Variants in CYTH3 observed in about 807,000 individuals in gnomAD.
CYTH3 encodes cytohesin-3.
CYTH3 carries 23 observed loss-of-function variants against 55.1 expected under a neutral mutation model. The observed-to-expected ratio is 0.42, with a 90% confidence interval of 0.30 to 0.59. The LOEUF (loss-of-function observed/expected upper bound fraction) is 0.59. Among genes scored for constraint, CYTH3 ranks in the 20% least tolerant of loss-of-function variants. The pLI is 0.20. For synonymous variants in CYTH3, 249 were observed against 194.9 expected (o/e 1.28, Z -2.31); for missense variants, 413 against 524.8 (o/e 0.79, Z 2.08).
chr7:6,271,441 G>C (rs547861973), intron 1 of CYTH3, among the ~76,000 whole-genome samples: 2 of 151,764 alleles, frequency 1.3e-5, no homozygotes, highest in East Asian at 3.9e-4. Context: ...ATGGGGTTCT[G>C]ATGATTCTGA....
intron 2 of CYTH3, among the ~76,000 whole-genome samples, chr7:6,187,922 T>A (rs1242537353): frequency 6.6e-6 from 1 of 152,214 alleles, no homozygotes; most frequent in Non-Finnish European, 1.5e-5. Context: ...CAAAATTCTT[T>A]GCTCACTTTT....
chr7:6,169,696 G>C lies in CYTH3; in HGVS notation c.823+839C>G, dbSNP rs544924699. ...CCCCTCAGCATTTCTAAAACTGCCCGTAATTGCCCTAAATTGCTCCAAAGG... is the reference window on the plus strand; with the variant it reads ...CCCCTCAGCATTTCTAAAACTGCCCCTAATTGCCCTAAATTGCTCCAAAGG... On this transcript the variant is annotated intron_variant, in intron 9 of 12. Coordinates refer to ENST00000350796, the MANE Select transcript of CYTH3 (RefSeq NM_004227.4). This position sits in a 1 kb window ranked among gnomAD's most constrained non-coding sequence, Gnocchi z 4.1. Among the ~76,000 whole-genome samples the C allele has an allele frequency of 2.6e-5, 4 of 152,086 alleles. No individual in the cohort carries two copies. Among genetic ancestry groups the C allele is most frequent in the Non-Finnish European group, 4.4e-5 (3 of 68,012 alleles).
At chr7:6,179,748 C>CCCACACCCCCA (rs560999989) in intron 4 of CYTH3, among the ~76,000 whole-genome samples, 25,379 of 89,886 alleles carry the variant, frequency 0.28, 5,341 homozygotes, top group East Asian at 0.67. Context: ...CCACACACAC[C>CCCACACCCCCA]CCACACCCCC....
In CYTH3 at chr7:6,165,324, C is replaced by A. The variant is rs371624575; in HGVS notation, c.1076G>T (p.Arg359Leu). The A allele has an allele frequency of 1.9e-6, 3 of 1,614,102 alleles. No individual in the cohort carries two copies. Among genetic ancestry groups the A allele is most frequent in the Non-Finnish European group, 1.7e-6 (2 of 1,180,008 alleles). ...RVVEGNHVVYRISAPSPEEKE... is the reference protein window; with the variant it reads ...RVVEGNHVVYLISAPSPEEKE... ...CTCCTCCGGGCTCGGGGCTGAGATC[C>A]GGTACACCACATGGTTCCCCTCTAC... Residue 359 changes from arginine (R) to leucine (L), a missense_variant, in exon 12 of 13, where the codon CGG becomes CTG. This residue lies in a region of CYTH3 where 98 missense variants were observed against 115.2 expected (regional missense o/e 0.85). Coordinates refer to ENST00000350796, the MANE Select transcript of CYTH3 (RefSeq NM_004227.4).
At chr7:6,172,560 C>T (rs1269837132) in intron 6 of CYTH3, among the ~76,000 whole-genome samples, 2 of 152,246 alleles carry the variant, frequency 1.3e-5, no homozygotes, top group African/African-American at 4.8e-5. Flanking sequence ...CAGGACCTGC[C>T]TGTATTCCCG....
chr7:6,236,557 T>A (rs1273564209), intron 1 of CYTH3, among the ~76,000 whole-genome samples: 1 of 150,416 alleles, frequency 6.6e-6, no homozygotes, highest in Non-Finnish European at 1.5e-5. Context: ...CTCTTTTTTA[T>A]TGTTGTTGTT....
At chr7:6,165,132 C>T (rs1782951070) in intron 12 of CYTH3, 116 bp from the exon 13 acceptor site, 1 of 1,564,500 alleles carries the variant, frequency 6.4e-7, no homozygotes, top group Non-Finnish European at 8.7e-7. Flanking sequence ...TGAACGTCGG[C>T]TTTGGCAGCC....
intron 1 of CYTH3, among the ~76,000 whole-genome samples, chr7:6,248,236 C>T (rs952358884): frequency 3.4e-5 from 5 of 148,660 alleles, no homozygotes; most frequent in African/African-American, 5.0e-5. Flanking sequence ...CTCCCCCAAC[C>T]CCCCCCCAGC....
intron 4 of CYTH3, among the ~76,000 whole-genome samples, chr7:6,182,688 C>G (rs969766416): frequency 1.3e-5 from 2 of 151,898 alleles, no homozygotes; most frequent in Non-Finnish European, 2.9e-5. Context: ...TTTAAAAAAA[C>G]TGTTTATAGA....
chr7:6,174,768 A>C (rs994829947), intron 5 of CYTH3, among the ~76,000 whole-genome samples: 4 of 151,744 alleles, frequency 2.6e-5, no homozygotes, highest in African/African-American at 7.3e-5. Flanking sequence ...AGGATGGTCT[A>C]GATCTCCTAA....
intron 9 of CYTH3, among the ~76,000 whole-genome samples, chr7:6,166,542 G>A (rs1022527407): frequency 1.3e-5 from 2 of 152,354 alleles, no homozygotes; most frequent in South Asian, 2.1e-4. Flanking sequence ...CGGCAGGGGA[G>A]TAGCCCTCCC....
rs745464972 is a variant in CYTH3 at position 6,172,735 on chromosome 7, C to A, written c.449+918G>T. 1.6e-5 allele frequency: 19 copies of A among 1,225,310 alleles called. 1 individual carries two copies. The South Asian group carries it at 2.4e-4, about 15-fold the overall frequency. The allele number at this position is 1,225,310 out of a possible 1,614,324, so 75.9% of individuals were successfully genotyped here. Reference sequence around the variant, plus strand: ...AGACACCCCTCCCAGACTCACCAGGCCTGCACCCTTCTCTGGATGTACAGC... The same window carrying A: ...AGACACCCCTCCCAGACTCACCAGGACTGCACCCTTCTCTGGATGTACAGC... On this transcript the variant is annotated intron_variant, in intron 6 of 12. Transcript: ENST00000350796.
At chr7:6,263,754 C>A (rs112752366) in intron 1 of CYTH3, among the ~76,000 whole-genome samples, 3,231 of 150,938 alleles carry the variant, frequency 0.021, 113 homozygotes, top group African/African-American at 0.075. Flanking sequence ...GCCAAGATCA[C>A]ACCACTGCAC....
In CYTH3 at chr7:6,165,625, G is replaced by A. The variant is rs900782113; in HGVS notation, c.901-9C>T. ...CCCCTGGGCTCCTTATCCTACAAGA[G>A]GAAAGTACACGGCGGGGCTCACTGT... On this transcript the variant is annotated splice_polypyrimidine_tract_variant and intron_variant, in intron 10 of 12. Coordinates refer to ENST00000350796, the MANE Select transcript of CYTH3 (RefSeq NM_004227.4). 3.7e-6 allele frequency: 6 copies of A among 1,613,798 alleles called. No homozygotes were observed. Among genetic ancestry groups the A allele is most frequent in the Non-Finnish European group, 5.1e-6 (6 of 1,179,874 alleles).
intron 1 of CYTH3, among the ~76,000 whole-genome samples, chr7:6,244,988 T>TGTA (rs1779770174): frequency 2.3e-5 from 3 of 128,098 alleles, no homozygotes; most frequent in Admixed American, 1.6e-4. Context: ...TTTTTTTTTT[T>TGTA]TTTTTGTATT....
chr7:6,245,873 C>T (rs1779800999), intron 1 of CYTH3, among the ~76,000 whole-genome samples: 1 of 152,220 alleles, frequency 6.6e-6, no homozygotes, highest in Non-Finnish European at 1.5e-5. Context: ...CACTGCGCTA[C>T]AGCCTGGGCA....
chr7:6,272,445 G>A (rs1780691285), intron 1 of CYTH3, 29 bp downstream of exon 1: 3 of 1,285,514 alleles, frequency 2.3e-6, no homozygotes, highest in East Asian at 3.7e-5. Flanking sequence ...CCAGGCCGCC[G>A]GCGAGCCCAC....
intron 1 of CYTH3, among the ~76,000 whole-genome samples, chr7:6,255,449 G>A (rs1345239938): frequency 6.6e-6 from 1 of 152,102 alleles, no homozygotes; most frequent in Non-Finnish European, 1.5e-5. Flanking sequence ...GGGAAAAGAG[G>A]GCCTCTCCAA....
At chr7:6,227,719 G>A (rs1453119863) in intron 1 of CYTH3, among the ~76,000 whole-genome samples, 2 of 152,226 alleles carry the variant, frequency 1.3e-5, no homozygotes, top group South Asian at 2.1e-4. Flanking sequence ...TACGAAGTTT[G>A]TATTCCTCCA....
Sources: gnomAD v4.1 joint callset for allele counts (sites outside exome capture counted in the v4.1 genomes callset) on GRCh38, gnomAD v4.1.1 for gene constraint, gnomAD v4.1.1 regional missense constraint, Gnocchi (gnomAD v3.1) non-coding constraint, MANE v1.5 for transcripts, NCBI Gene and HGNC (gene_info 2026-07-23, HGNC 2026-07-21) for gene names.